TRAM1: variants seen among roughly 807,000 people sequenced by gnomAD.
The protein encoded by TRAM1 is translocating chain-associated membrane protein 1.
TRAM1 carries 17 observed loss-of-function variants against 48.7 expected under a neutral mutation model. The observed-to-expected ratio is 0.35, with a 90% CI of 0.24 to 0.52. The LOEUF (loss-of-function observed/expected upper bound fraction) is 0.52, where lower values mean the gene tolerates loss of function less well. TRAM1 is among the 20% of genes least tolerant of loss of function. TRAM1 has a pLI of 0.94. For missense variants in TRAM1, 351 were observed against 441.5 expected (o/e 0.79, Z 1.84); for synonymous variants, 182 against 154.0 (o/e 1.18, Z -1.34).
intron 1 of TRAM1, among the ~76,000 whole-genome samples, chr8:70,605,634 T>C (rs1285553700): frequency 6.6e-6 from 1 of 152,202 alleles, no homozygotes; most frequent in Non-Finnish European, 1.5e-5. Context: ...AAAAGTCGAA[T>C]AGCAAAACTA....
intron 1 of TRAM1, among the ~76,000 whole-genome samples, chr8:70,604,735 A>G (rs1817683185): frequency 6.6e-6 from 1 of 152,202 alleles, no homozygotes; most frequent in Admixed American, 6.5e-5. Context: ...TATGGCATAA[A>G]GAACTTGCAG....
intron 8 of TRAM1, among the ~76,000 whole-genome samples, chr8:70,584,783 T>G (rs1202430779): frequency 6.6e-6 from 1 of 151,868 alleles, no homozygotes; most frequent in Non-Finnish European, 1.5e-5. Flanking sequence ...TAAAAGAGGA[T>G]ACAAACAAAT....
chr8:70,605,207 C>T (rs1817694219), intron 1 of TRAM1, among the ~76,000 whole-genome samples: 1 of 152,164 alleles, frequency 6.6e-6, no homozygotes, highest in Non-Finnish European at 1.5e-5. Flanking sequence ...ATAGCTACCA[C>T]TTATTGCACA....
At position 70,587,171 on chromosome 8, in the gene TRAM1, ATCT is replaced by A; in HGVS notation, c.573_575del (p.Glu191del). On this transcript the variant is annotated inframe_deletion and splice_region_variant, in exon 7 of 11. Transcript: ENST00000262213. ...CAATGTAGACAAGCTGACGAGGAATATCTTCCTGTAAAAAAATACATTATAGAT... is the reference window on the plus strand; with the variant it reads ...CAATGTAGACAAGCTGACGAGGAATATCCTGTAAAAAAATACATTATAGAT... 1.2e-6 allele frequency: 2 copies of A among 1,613,356 alleles called. No homozygotes were observed. Among genetic ancestry groups the A allele is most frequent in the Non-Finnish European group, 1.7e-6 (2 of 1,179,526 alleles).
intron 6 of TRAM1, among the ~76,000 whole-genome samples, chr8:70,592,214 A>C (rs1315414344): frequency 6.6e-6 from 1 of 152,172 alleles, no homozygotes; most frequent in East Asian, 1.9e-4. Context: ...GTTTATATAC[A>C]CAGTATATGT....
intron 1 of TRAM1, chr8:70,607,366 G>A (rs1586769851): frequency 2.0e-6 from 2 of 985,452 alleles, no homozygotes; most frequent in Non-Finnish European, 2.4e-6. Flanking sequence ...ATCAGACCTT[G>A]TTTCTTTAAA....
At chr8:70,581,584 G>T (rs866165920) in intron 10 of TRAM1, among the ~76,000 whole-genome samples, 1 of 152,086 alleles carries the variant, frequency 6.6e-6, no homozygotes, top group Non-Finnish European at 1.5e-5. Context: ...CATAGTTACC[G>T]CATGACTCGG....
At chr8:70,603,199 G>C (rs2132046689) in intron 1 of TRAM1, among the ~76,000 whole-genome samples, 1 of 151,852 alleles carries the variant, frequency 6.6e-6, no homozygotes, top group East Asian at 1.9e-4. Context: ...AAGTTGAGTG[G>C]TCACTACATT....
chr8:70,590,020 G>A (rs1348704435), intron 6 of TRAM1, among the ~76,000 whole-genome samples: 1 of 152,004 alleles, frequency 6.6e-6, no homozygotes, highest in Non-Finnish European at 1.5e-5. Flanking sequence ...GTTACTCAAT[G>A]CTCCACATTT....
At chr8:70,588,641 T>C (rs1362943183) in intron 6 of TRAM1, among the ~76,000 whole-genome samples, 1 of 152,128 alleles carries the variant, frequency 6.6e-6, no homozygotes, top group Non-Finnish European at 1.5e-5. Context: ...CATTGTATTA[T>C]GAAAATTGTA....
rs371402130 is a variant in TRAM1 at position 70,594,408 on chromosome 8, A to G, written c.570+98T>C. On this transcript the variant is annotated intron_variant, in intron 6 of 10. Transcript: ENST00000262213. ...GTAAGAGTTGAGGTAAGAAGAATGGAGGAAGGGCAAACATGTAAGAAAATA... is the reference window on the plus strand; with the variant it reads ...GTAAGAGTTGAGGTAAGAAGAATGGGGGAAGGGCAAACATGTAAGAAAATA... The G allele has an allele frequency of 2.0e-5, 16 of 786,584 alleles. No individual in the cohort carries two copies. In the East Asian group the frequency reaches 2.7e-4, roughly 13 times the overall value. 48.7% of individuals were successfully genotyped at this position (786,584 alleles called of 1,614,324 possible).
chr8:70,597,363 G>T (rs1817510628), intron 4 of TRAM1, among the ~76,000 whole-genome samples: 1 of 152,052 alleles, frequency 6.6e-6, no homozygotes, highest in Admixed American at 6.6e-5. Flanking sequence ...AGAGGTATCT[G>T]TAAACCACTA....
chr8:70,591,902 GA>G (rs1429582291), intron 6 of TRAM1, among the ~76,000 whole-genome samples: 9 of 151,998 alleles, frequency 5.9e-5, no homozygotes, highest in Non-Finnish European at 1.0e-4. Flanking sequence ...TCATGATGTG[GA>G]AAAAATGTCA....
Position 70,608,122 on chromosome 8 carries a change from G to C in TRAM1, c.78C>G (p.Ile26Met). Residue 26 changes from isoleucine to methionine, a missense_variant, in exon 1 of 11, where the codon ATC (isoleucine) becomes ATG (methionine). By Grantham distance (10) the Ile-to-Met change is conservative. Coordinates refer to ENST00000262213, the MANE Select transcript of TRAM1 (RefSeq NM_014294.6). ...HEFVLQNHADIVSCVAMVFLL... is the reference protein window; with the variant it reads ...HEFVLQNHADMVSCVAMVFLL... ...GGAAGACCATCGCCACACAGGAGAC[G>C]ATGTCCGCGTGATTCTGCAGGACGA... is the stretch of plus-strand genomic sequence containing the variant. 1 of 1,600,212 alleles carries C rather than the reference G, an allele frequency of 6.2e-7. No homozygotes were observed. Among genetic ancestry groups the C allele is most frequent in the Non-Finnish European group, 8.5e-7 (1 of 1,174,232 alleles).
intron 5 of TRAM1, among the ~76,000 whole-genome samples, chr8:70,595,603 G>C (rs776167106): frequency 6.6e-6 from 1 of 151,658 alleles, no homozygotes; most frequent in African/African-American, 2.4e-5. Context: ...AGTCTTAGTG[G>C]GTATGGGCAC....
chr8:70,608,179 G>A lies in TRAM1; in HGVS notation c.21C>T (p.Ser7=). The change falls in exon 1 of 11, where the codon AGC becomes AGT. Residue 7 remains serine, a synonymous_variant. Transcript: ENST00000262213. MAIRKK[S]TKSPPVLSHE... is the part of the protein sequence containing the mutation. Reference sequence around the variant, plus strand: ...GGCTCAGCACTGGGGGGCTCTTGGTGCTTTTCTTGCGAATCGCCATGGTGG... The same window carrying A: ...GGCTCAGCACTGGGGGGCTCTTGGTACTTTTCTTGCGAATCGCCATGGTGG... 6.3e-7 allele frequency: 1 copy of A among 1,589,486 alleles called. No individual in the cohort carries two copies. Among genetic ancestry groups the A allele is most frequent in the Non-Finnish European group, 8.5e-7 (1 of 1,169,596 alleles).
chr8:70,583,964 G>C (rs1817144341), intron 8 of TRAM1, among the ~76,000 whole-genome samples, 171 bp from the exon 9 acceptor site: 2 of 152,158 alleles, frequency 1.3e-5, no homozygotes, highest in Non-Finnish European at 2.9e-5. Context: ...AGTGAGCAGA[G>C]ATTGCGCCAC....
intron 10 of TRAM1, among the ~76,000 whole-genome samples, chr8:70,577,910 C>A (rs574630582): frequency 6.6e-6 from 1 of 152,260 alleles, no homozygotes; most frequent in Non-Finnish European, 1.5e-5. Context: ...TGCAGCCTCA[C>A]ACAGAGCCAG....
At chr8:70,606,113 ATATAT>A (rs1817713011) in intron 1 of TRAM1, among the ~76,000 whole-genome samples, 2 of 152,364 alleles carry the variant, frequency 1.3e-5, no homozygotes, top group Admixed American at 6.5e-5. Flanking sequence ...AATATACTAC[ATATAT>A]TAAAGTACTA....
Sources: gnomAD v4.1 joint callset for allele counts (sites outside exome capture counted in the v4.1 genomes callset) on GRCh38, gnomAD v4.1.1 for gene constraint, MANE v1.5 for transcripts, NCBI Gene and HGNC (gene_info 2026-07-23, HGNC 2026-07-21) for gene names.